BPIFB6: variants seen among roughly 807,000 people sequenced by gnomAD.
The protein encoded by BPIFB6 is BPI fold-containing family B member 6.
Under a neutral mutation model 54.7 loss-of-function variants are expected in BPIFB6, and 47 were observed. That is an observed-to-expected ratio of 0.86 (90% CI 0.68 to 1.10). BPIFB6 has a LOEUF of 1.10. BPIFB6 is among the 50% of genes least tolerant of loss of function. BPIFB6 has a pLI of 0.00. For missense variants in BPIFB6, 603 were observed against 564.1 expected (o/e 1.07, Z -0.70); for synonymous variants, 255 against 225.9 (o/e 1.13, Z -1.16).
Position 33,038,930 on chromosome 20 carries a change from A to G in BPIFB6, c.868A>G (p.Thr290Ala). The G allele has an allele frequency of 6.2e-7, 1 of 1,613,648 alleles. No homozygotes were observed. Among genetic ancestry groups the G allele is most frequent in the Non-Finnish European group, 8.5e-7 (1 of 1,179,904 alleles). ...DTMIGELPPQ[T>A]TKTLARFIPE... is the part of the protein sequence containing the mutation. ...GTAGATTGGTGAGCTGCCCCCACAA[A>G]CCACCAAGACCCTGGCTCGCTTCAT... Residue 290 changes from threonine to alanine, a missense_variant, in exon 9 of 15, where the codon ACC (threonine) becomes GCC (alanine). By Grantham distance (58) the Thr-to-Ala change is moderately conservative (BLOSUM62 0). Transcript: ENST00000349552.
chr20:33,035,785 A>T (rs1007457860), intron 6 of BPIFB6, 113 bp downstream of exon 6: 3 of 1,077,020 alleles, frequency 2.8e-6, no homozygotes, highest in Non-Finnish European at 4.3e-6. Context: ...TTGGGACTAG[A>T]GGAGGCTTGA....
intron 2 of BPIFB6, 92 bp downstream of exon 2, chr20:33,033,175 G>C: frequency 1.0e-6 from 1 of 962,960 alleles, no homozygotes; most frequent in Non-Finnish European, 1.7e-6. Context: ...AGGTAATGGA[G>C]CTGGTGAGGG....
At chr20:33,031,911 G>T (rs919837944) in intron 1 of BPIFB6, among the ~76,000 whole-genome samples, 167 bp downstream of exon 1, 8 of 152,200 alleles carry the variant, frequency 5.3e-5, no homozygotes, top group Non-Finnish European at 1.2e-4. Context: ...GAGAAACCAA[G>T]GACCAGAGAA....
Position 33,034,273 on chromosome 20 carries a change from G to T in BPIFB6, c.285G>T (p.Met95Ile), listed in dbSNP as rs1979231824. 6.2e-7 allele frequency: 1 copy of T among 1,613,500 alleles called. No individual in the cohort carries two copies. The highest frequency in any genetic ancestry group is 1.1e-5 in the South Asian group (1 of 91,052). ...VGIFQCVSTG[M>I]TVTGKSFMGG... Reference sequence around the variant, plus strand: ...TCTTCCAATGTGTGTCCACAGGCATGACCGTCACTGGCAAGAGGTGAGTGT... The same window carrying T: ...TCTTCCAATGTGTGTCCACAGGCATTACCGTCACTGGCAAGAGGTGAGTGT... The change falls in exon 3 of 15, where the codon ATG (methionine) becomes ATT (isoleucine). Residue 95 changes from methionine to isoleucine, a missense_variant. By Grantham distance (10) the Met-to-Ile change is conservative. Transcript: ENST00000349552.
Position 33,035,626 on chromosome 20 carries a change from C to T in BPIFB6, c.531C>T (p.Ile177=), listed in dbSNP as rs201893414. ...TCTGCTTCCAGATGTGTCCCGCCATCGATGCAGTCCTGGTGTATGTGAACA... is the reference window on the plus strand; with the variant it reads ...TCTGCTTCCAGATGTGTCCCGCCATTGATGCAGTCCTGGTGTATGTGAACA... ...KVLPGLMCPA[I]DAVLVYVNRK... The change falls in exon 6 of 15, where the codon ATC becomes ATT. Residue 177 remains isoleucine, a synonymous_variant. Transcript: ENST00000349552. The T allele has an allele frequency of 2.5e-5, 40 of 1,614,056 alleles. No individual in the cohort carries two copies. The highest frequency in any genetic ancestry group is 9.3e-5 in the African/African-American group (7 of 74,916).
In BPIFB6 at chr20:33,035,819, T is replaced by A. The variant is rs796428672; in HGVS notation, c.577+147T>A. ...GAGGTCATGATGTTCATCCCCCCAC[T>A]GTCCCGATGGGAGGCCTGAAGTCCC... On this transcript the variant is annotated intron_variant, in intron 6 of 14. Transcript: ENST00000349552. The A allele has an allele frequency of 2.3e-5, 19 of 835,336 alleles. No individual in the cohort carries two copies. The African/African-American group carries it at 2.9e-4, about 13-fold the overall frequency. The allele number at this position is 835,336 out of a possible 1,614,324, so 51.7% of individuals were successfully genotyped here.
chr20:33,035,712 A>C, intron 6 of BPIFB6, 40 bp downstream of exon 6: 1 of 1,583,860 alleles, frequency 6.3e-7, no homozygotes, highest in Non-Finnish European at 8.7e-7. Context: ...CTACCTAGGG[A>C]TATCAGGATA....
At chr20:33,034,123 G>A in intron 2 of BPIFB6, 63 bp from the exon 3 acceptor site, 1 of 1,151,260 alleles carries the variant, frequency 8.7e-7, no homozygotes, top group South Asian at 1.2e-5. Context: ...GTGGTGAAGT[G>A]GGTGGAGGTC....
intron 11 of BPIFB6, 100 bp downstream of exon 11, chr20:33,040,418 C>A: frequency 3.7e-6 from 4 of 1,088,950 alleles, no homozygotes; most frequent in Non-Finnish European, 5.5e-6. Flanking sequence ...CCCAGCACAC[C>A]CCCAACTACC....
In BPIFB6 at chr20:33,037,641, C is replaced by A. The variant is rs759129090; in HGVS notation, c.749C>A (p.Ala250Asp). 6.2e-7 allele frequency: 1 copy of A among 1,614,136 alleles called. No homozygotes were observed. The highest frequency in any genetic ancestry group is 8.5e-7 in the Non-Finnish European group (1 of 1,180,012). The stretch of plus-strand genomic sequence containing the variant: ...GCCCTCACGTTCCCTGAGGGTTATG[C>A]CAAAGGCTCGTCGCAGCTGCTGCTC... ...GEALTFPEGY[A>D]KGSSQLLLPA... Residue 250 changes from alanine (A) to aspartate (D), a missense_variant, in exon 8 of 15, where the codon GCC becomes GAC. By Grantham distance (126) the Ala-to-Asp change is moderately radical (BLOSUM62 -2). Coordinates refer to ENST00000349552, the MANE Select transcript of BPIFB6 (RefSeq NM_174897.2).
chr20:33,033,279 C>T (rs1979184187), intron 2 of BPIFB6, 196 bp downstream of exon 2: 1 of 673,202 alleles, frequency 1.5e-6, no homozygotes, highest in South Asian at 1.5e-5. Flanking sequence ...CAGCCATTCA[C>T]TGGGGACAAT....
At chr20:33,036,727 C>A (rs541798015) in intron 7 of BPIFB6, among the ~76,000 whole-genome samples, 191 bp downstream of exon 7, 1 of 152,318 alleles carries the variant, frequency 6.6e-6, no homozygotes, top group South Asian at 2.1e-4. Flanking sequence ...TAAACGCGAA[C>A]CTTCAGTGCC....
At chr20:33,038,765 G>A in intron 8 of BPIFB6, 144 bp from the exon 9 acceptor site, 2 of 795,760 alleles carry the variant, frequency 2.5e-6, no homozygotes, top group African/African-American at 1.7e-5. Flanking sequence ...TGCCCAGAAG[G>A]CACAATATTT....
At chr20:33,043,846 G>A (rs935474247) in intron 14 of BPIFB6, among the ~76,000 whole-genome samples, 169 bp from the exon 15 acceptor site, 4 of 152,130 alleles carry the variant, frequency 2.6e-5, no homozygotes, top group African/African-American at 7.2e-5. Context: ...AGAAAATTGA[G>A]GGTAAGAGAG....
intron 2 of BPIFB6, chr20:33,033,442 C>G (rs922085220): frequency 2.2e-6 from 1 of 457,882 alleles, no homozygotes; most frequent in African/African-American, 2.0e-5. Context: ...CAACAATCAT[C>G]TAATGACAAG....
chr20:33,042,133 G>A (rs1156970661), intron 12 of BPIFB6, 118 bp downstream of exon 12: 2 of 1,007,802 alleles, frequency 2.0e-6, no homozygotes, highest in African/African-American at 1.6e-5. Context: ...CAAGGCCACT[G>A]TGAGGCGTGG....
intron 7 of BPIFB6, 146 bp downstream of exon 7, chr20:33,036,682 G>A: frequency 1.3e-6 from 1 of 751,978 alleles, no homozygotes; most frequent in Non-Finnish European, 2.3e-6. Context: ...CCATGTGGGT[G>A]TTTGTGGACC....
rs762158268 is a variant in BPIFB6, at chr20:33,039,362, C to T, written c.916C>T (p.Pro306Ser). ...RFIPEVAVAYPKSKPLTTQIK... is the reference protein window; with the variant it reads ...RFIPEVAVAYSKSKPLTTQIK... Reference sequence around the variant, plus strand: ...GTTTCTGTAGGTGGCTGTAGCTTATCCCAAGTCAAAGCCCTTGACGACCCA... The same window carrying T: ...GTTTCTGTAGGTGGCTGTAGCTTATTCCAAGTCAAAGCCCTTGACGACCCA... Residue 306 changes from proline to serine, a missense_variant, in exon 10 of 15, where the codon CCC (proline) becomes TCC (serine). Pro to Ser is a moderately conservative substitution (Grantham distance 74). Coordinates refer to ENST00000349552, the MANE Select transcript of BPIFB6 (RefSeq NM_174897.2). 2 of 1,612,310 alleles carry T rather than the reference C, an allele frequency of 1.2e-6. No individual in the cohort carries two copies. Among genetic ancestry groups the T allele is most frequent in the Admixed American group, 3.4e-5 (2 of 59,550 alleles).
intron 14 of BPIFB6, among the ~76,000 whole-genome samples, chr20:33,043,771 T>C (rs1979691028): frequency 6.6e-6 from 1 of 152,230 alleles, no homozygotes; most frequent in African/African-American, 2.4e-5. Context: ...GTGGTAAATG[T>C]ACATTTTTCT....
Sources: allele counts gnomAD v4.1 joint callset (sites outside exome capture counted in the v4.1 genomes callset), GRCh38; gene constraint gnomAD v4.1.1; transcripts MANE v1.5; gene names NCBI Gene and HGNC (gene_info 2026-07-23, HGNC 2026-07-21).